Variants in UNC79 observed in about 807,000 individuals in gnomAD.
The protein encoded by UNC79 is unc-79 subunit of NALCN channel complex, also known as protein unc-79 homolog.
A neutral mutation model predicts 283.1 loss-of-function variants in UNC79; 37 were observed. The observed-to-expected ratio is 0.13, with a 90% CI of 0.10 to 0.17. The LOEUF is 0.17. Among genes scored for constraint, UNC79 ranks in the 10% least tolerant of loss-of-function variants. The probability of loss-of-function intolerance (pLI) is 1.00; values close to 1 mark genes in which losing one functional copy is unlikely to be tolerated. For synonymous variants in UNC79, 1,107 were observed against 1,200.2 expected, an observed-to-expected ratio of 0.92 and a Z score of 1.61; for missense variants, 2,272 against 3,211.1, an observed-to-expected ratio of 0.71 and a Z score of 7.07.
intron 1 of UNC79, among the ~76,000 whole-genome samples, chr14:93,449,814 A>C (rs1474731893): frequency 6.6e-6 from 1 of 152,224 alleles, no homozygotes; most frequent in African/African-American, 2.4e-5. Flanking sequence ...ATGATAAATG[A>C]AAATGTTAGA....
intron 26 of UNC79, among the ~76,000 whole-genome samples, chr14:93,607,991 T>C (rs1566763970): frequency 2.0e-5 from 3 of 152,226 alleles, no homozygotes; most frequent in South Asian, 2.1e-4. Context: ...TTTGAAGATA[T>C]GTTTTTTGGA....
intron 31 of UNC79, 43 bp from the exon 34 acceptor site, chr14:93,634,478 G>T (rs760195062): frequency 1.4e-6 from 2 of 1,451,088 alleles, no homozygotes; most frequent in East Asian, 4.6e-5. Flanking sequence ...TGTGTGCTGT[G>T]GAAATTTATT....
chr14:93,612,062 C>T (rs2066348955), intron 26 of UNC79, among the ~76,000 whole-genome samples: 1 of 152,158 alleles, frequency 6.6e-6, no homozygotes, highest in South Asian at 2.1e-4. Flanking sequence ...TAAGAGGAGG[C>T]CAAGGGCGAA....
At chr14:93,593,763 A>G in exon 23 of UNC79, 2 of 1,614,018 alleles carry the variant, frequency 1.2e-6, no homozygotes, top group Non-Finnish European at 1.7e-6. Context: ...TCACTTCCTC[A>G]TGGTGCTGAC....
At chr14:93,601,494 C>G (rs1379527690) in intron 25 of UNC79, among the ~76,000 whole-genome samples, 1 of 152,118 alleles carries the variant, frequency 6.6e-6, no homozygotes, top group African/African-American at 2.4e-5. Flanking sequence ...TTCCTTTATC[C>G]ACTTGTTGAT....
exon 29 of UNC79, chr14:93,618,285 C>T (rs759870120): frequency 1.2e-6 from 2 of 1,614,060 alleles, no homozygotes; most frequent in South Asian, 2.2e-5. Flanking sequence ...TAGCTGCAAG[C>T]CCCATGCCAC....
chr14:93,669,674 G>A (rs1018089601), intron 40 of UNC79, among the ~76,000 whole-genome samples: 6 of 151,940 alleles, frequency 3.9e-5, no homozygotes, highest in East Asian at 3.9e-4. Flanking sequence ...GCAAAACCTC[G>A]TCTCTATAAA....
At chr14:93,351,818 G>C (rs1236981044) in intron 1 of UNC79, among the ~76,000 whole-genome samples, 2 of 152,158 alleles carry the variant, frequency 1.3e-5, no homozygotes, top group Admixed American at 6.5e-5. Context: ...TCCAGTCTGA[G>C]GACAGTCTTC....
At chr14:93,550,473 G>A (rs916445750) in intron 14 of UNC79, among the ~76,000 whole-genome samples, 1 of 134,344 alleles carries the variant, frequency 7.4e-6, no homozygotes, top group Non-Finnish European at 1.5e-5. Flanking sequence ...CAAGATCGCG[G>A]CTCTGCACTC....
chr14:93,699,959 G>A (rs1230298718), intron 47 of UNC79, among the ~76,000 whole-genome samples: 1 of 152,022 alleles, frequency 6.6e-6, no homozygotes, highest in Non-Finnish European at 1.5e-5. Context: ...CTCCTGTGCA[G>A]GTCAGCTGGT....
At chr14:93,537,649 T>G (rs548203192) in intron 11 of UNC79, among the ~76,000 whole-genome samples, 1 of 152,346 alleles carries the variant, frequency 6.6e-6, no homozygotes, top group African/African-American at 2.4e-5. Context: ...TTTATATTTC[T>G]GCTGAAAAAC....
chr14:93,691,157 A>G (rs1478979690), intron 45 of UNC79: 2 of 157,654 alleles, frequency 1.3e-5, no homozygotes, highest in South Asian at 1.9e-4. Context: ...TAACCTCTCT[A>G]TTATTCAGAT....
At chr14:93,548,258 G>A (rs570100317) in intron 14 of UNC79, among the ~76,000 whole-genome samples, 1 of 152,256 alleles carries the variant, frequency 6.6e-6, no homozygotes, top group Admixed American at 6.5e-5. Context: ...CTTATGTGGT[G>A]GAAGGGGCAA....
intron 1 of UNC79, among the ~76,000 whole-genome samples, chr14:93,368,857 G>A (rs2054388034): frequency 6.6e-6 from 1 of 152,184 alleles, no homozygotes; most frequent in Admixed American, 6.5e-5. Flanking sequence ...GTAAACAAGT[G>A]AACCTGAAAC....
At chr14:93,375,620 A>G (rs2054539835) in intron 1 of UNC79, among the ~76,000 whole-genome samples, 1 of 152,202 alleles carries the variant, frequency 6.6e-6, no homozygotes, top group Admixed American at 6.5e-5. Context: ...GGGAGGCCTC[A>G]GGAAACTTCC....
At chr14:93,644,178 T>C (rs180970676) in intron 34 of UNC79, among the ~76,000 whole-genome samples, 1 of 152,318 alleles carries the variant, frequency 6.6e-6, no homozygotes, top group Non-Finnish European at 1.5e-5. Context: ...CATTTCTGAC[T>C]CAGATAAAAG....
intron 1 of UNC79, among the ~76,000 whole-genome samples, chr14:93,394,703 G>A (rs1017167644): frequency 4.6e-5 from 7 of 151,434 alleles, no homozygotes; most frequent in Non-Finnish European, 8.8e-5. Flanking sequence ...CACTGCACCC[G>A]GCCATTTTAT....
chr14:93,547,538 T>C (rs2061662118), intron 14 of UNC79, among the ~76,000 whole-genome samples: 1 of 152,234 alleles, frequency 6.6e-6, no homozygotes, highest in Admixed American at 6.5e-5. Context: ...TGTGAAACAA[T>C]TCTTAGTTAT....
At chr14:93,563,687 G>A (rs1017486834) in intron 14 of UNC79, among the ~76,000 whole-genome samples, 1 of 152,106 alleles carries the variant, frequency 6.6e-6, no homozygotes, top group Non-Finnish European at 1.5e-5. Context: ...AATGTGATCA[G>A]GGTGAGGAAC....
Sources: gnomAD v4.1 joint callset for allele counts (sites outside exome capture counted in the v4.1 genomes callset) on GRCh38, gnomAD v4.1.1 for gene constraint, MANE v1.5 for transcripts, NCBI Gene and HGNC (gene_info 2026-07-23, HGNC 2026-07-21) for gene names.